ROBO3: variants seen among roughly 807,000 people sequenced by gnomAD.
ROBO3 encodes the protein roundabout guidance receptor 3, also known as roundabout homolog 3.
A neutral mutation model predicts 160.5 loss-of-function variants in ROBO3; 97 were observed. That is an observed-to-expected ratio of 0.60 (90% CI 0.51 to 0.72). The LOEUF is 0.72. Among genes scored for constraint, ROBO3 ranks in the 30% least tolerant of loss-of-function variants. The pLI, the probability that ROBO3 is intolerant of heterozygous loss-of-function variation, is 0.00. For missense variants in ROBO3, 1,858 were observed against 1,846.5 expected (o/e 1.01, Z -0.11); for synonymous variants, 780 against 746.2 (o/e 1.05, Z -0.74).
Position 124,870,229 on chromosome 11 carries a change from C to G in ROBO3, c.831C>G (p.Phe277Leu). 6.2e-7 allele frequency: 1 copy of G among 1,614,046 alleles called. No homozygotes were observed. The highest frequency in any genetic ancestry group is 8.5e-7 in the Non-Finnish European group (1 of 1,179,896). ...QVVLADAPVT[F>L]LCEVKGDPPP... The stretch of plus-strand genomic sequence containing the variant: ...TCCTGGCTGATGCCCCTGTGACTTT[C>G]CTATGTGAGGTGAAGGGGGATCCCC... Residue 277 changes from phenylalanine to leucine, a missense_variant, in exon 5 of 28, where the codon TTC becomes TTG. Phe to Leu is a conservative substitution (Grantham distance 22). Coordinates refer to ENST00000397801, the MANE Select transcript of ROBO3 (RefSeq NM_022370.4).
chr11:124,867,732 G>A (rs902420459), intron 1 of ROBO3, among the ~76,000 whole-genome samples: 2 of 151,682 alleles, frequency 1.3e-5, no homozygotes, highest in African/African-American at 4.9e-5. Flanking sequence ...CAATCTCACA[G>A]GCGGGCTGGA....
Position 124,876,444 on chromosome 11 carries a change from G to A in ROBO3, c.2763G>A (p.Glu921=), listed in dbSNP as rs374437135. 10 of 1,437,590 alleles carry A rather than the reference G, an allele frequency of 7.0e-6. No individual in the cohort carries two copies. Among genetic ancestry groups the A allele is most frequent in the Middle Eastern group, 1.9e-4 (1 of 5,316 alleles). The allele number at this position is 1,437,590 out of a possible 1,614,324, so 89.1% of individuals were successfully genotyped here. A position where few individuals can be genotyped will look rare whatever the true frequency, so the allele number is the denominator to read the frequency against. Residue 921 remains glutamate (E), a synonymous_variant, in exon 17 of 28, where the codon GAG becomes GAA. Transcript: ENST00000397801. This position sits in a 1 kb window ranked among gnomAD's most constrained non-coding sequence, Gnocchi z 5.3. Reference sequence around the variant, plus strand: ...ACTGGCGCCGGAAACAGCGCAAAGAGCTCAGCCACTACACGGGTGAGCTCC... The same window carrying A: ...ACTGGCGCCGGAAACAGCGCAAAGAACTCAGCCACTACACGGGTGAGCTCC... ...ALYWRRKQRK[E]LSHYTASFAY...
Position 124,869,848 on chromosome 11 carries a change from T to A in ROBO3, c.646-100T>A. The A allele has an allele frequency of 1.4e-6, 2 of 1,466,520 alleles. No individual in the cohort carries two copies. Among genetic ancestry groups the A allele is most frequent in the Non-Finnish European group, 1.9e-6 (2 of 1,073,910 alleles). 90.8% of individuals were successfully genotyped at this position (1,466,520 alleles called of 1,614,324 possible). On this transcript the variant is annotated intron_variant, in intron 3 of 27. Coordinates refer to ENST00000397801, the MANE Select transcript of ROBO3 (RefSeq NM_022370.4). The surrounding 1 kb of genome is among the most constrained non-coding windows in gnomAD (Gnocchi z 4.2). ...CTCCTTTATCAGCTTGCTGTGAGGA[T>A]CAAATAAACTTTATACATATGTATA...
rs996410668 is a variant in ROBO3, at chr11:124,872,657, A to T, written c.1330+105A>T. On this transcript the variant is annotated intron_variant, in intron 8 of 27. Coordinates refer to ENST00000397801, the MANE Select transcript of ROBO3 (RefSeq NM_022370.4). The surrounding 1 kb of genome is among the most constrained non-coding windows in gnomAD (Gnocchi z 4.3). ...CTATATACTATGTCTGCAAGAGGAG[A>T]GATGTGTTCCTGAGGCATGACCTTG... 4 of 1,222,062 alleles carry T rather than the reference A, an allele frequency of 3.3e-6. No individual in the cohort carries two copies. 75.7% of individuals were successfully genotyped at this position (1,222,062 alleles called of 1,614,324 possible).
At position 124,876,302 on chromosome 11, in the gene ROBO3, T is replaced by A. The variant is rs199932669; in HGVS notation, c.2621T>A (p.Leu874Gln). Reference sequence around the variant, plus strand: ...TCCCCGCCGGACCTGGAGCCCGGGCTGGAGGTGGGCGCGGGGCTGGCGGTG... The same window carrying A: ...TCCCCGCCGGACCTGGAGCCCGGGCAGGAGGTGGGCGCGGGGCTGGCGGTG... ...LPSPPDLEPG[L>Q]EVGAGLAVRL... is the part of the protein sequence containing the mutation. The change falls in exon 17 of 28, where the codon CTG becomes CAG. Residue 874 changes from leucine (L) to glutamine (Q), a missense_variant. By Grantham distance (113) the Leu-to-Gln change is moderately radical (BLOSUM62 -2). Coordinates refer to ENST00000397801, the MANE Select transcript of ROBO3 (RefSeq NM_022370.4). This position sits in a 1 kb window ranked among gnomAD's most constrained non-coding sequence, Gnocchi z 5.3. 7.3e-3 allele frequency: 10,602 copies of A among 1,458,576 alleles called. 55 individuals are homozygous for A. Among genetic ancestry groups the A allele is most frequent in the Non-Finnish European group, 8.7e-3 (9,712 of 1,118,168 alleles). The allele number at this position is 1,458,576 out of a possible 1,614,324, so 90.4% of individuals were successfully genotyped here.
chr11:124,873,985 G>T lies in ROBO3; in HGVS notation c.1785-85G>T. On this transcript the variant is annotated intron_variant, in intron 11 of 27. Transcript: ENST00000397801. This position sits in a 1 kb window ranked among gnomAD's most constrained non-coding sequence, Gnocchi z 4.5. Reference sequence around the variant, plus strand: ...CCTCTTGCAAGGGGAAGACATAATGGTCGTTCATAGAGAGTGGATGAGATG... The same window carrying T: ...CCTCTTGCAAGGGGAAGACATAATGTTCGTTCATAGAGAGTGGATGAGATG... 6.3e-7 allele frequency: 1 copy of T among 1,588,564 alleles called. No homozygotes were observed. Among genetic ancestry groups the T allele is most frequent in the Non-Finnish European group, 8.6e-7 (1 of 1,160,840 alleles).
rs375024096 is a variant in ROBO3 at position 124,873,856 on chromosome 11, C to G, written c.1778C>G (p.Ala593Gly). The G allele has an allele frequency of 6.2e-7, 1 of 1,612,872 alleles. No individual in the cohort carries two copies. Residue 593 changes from alanine to glycine, a missense_variant, in exon 11 of 28, where the codon GCC becomes GGC. By Grantham distance (60) the Ala-to-Gly change is moderately conservative (BLOSUM62 0). Transcript: ENST00000397801. This position sits in a 1 kb window ranked among gnomAD's most constrained non-coding sequence, Gnocchi z 4.5. ...GAAVTSYVIEAFSPAAGNTWR... is the reference protein window; with the variant it reads ...GAAVTSYVIEGFSPAAGNTWR... ...GCAGTCACGTCTTATGTGATAGAGG[C>G]CTTCAGGTATGGAGAAAGTTTTGAA... is the stretch of plus-strand genomic sequence containing the variant.
rs149822654 is a variant in ROBO3, at chr11:124,873,441, T to C, written c.1618+50T>C. ...TTTTGATAATACCTTCCTCCAAACC[T>C]GCTTCAACAGGTAGTCGATACCTCC... is the stretch of plus-strand genomic sequence containing the variant. On this transcript the variant is annotated intron_variant, in intron 10 of 27. Coordinates refer to ENST00000397801, the MANE Select transcript of ROBO3 (RefSeq NM_022370.4). This position sits in a 1 kb window ranked among gnomAD's most constrained non-coding sequence, Gnocchi z 4.5. The C allele has an allele frequency of 3.0e-3, 4,398 of 1,480,656 alleles. 14 individuals are homozygous for C. The highest frequency in any genetic ancestry group is 3.9e-3 in the Middle Eastern group (23 of 5,854). The allele number at this position is 1,480,656 out of a possible 1,614,324, so 91.7% of individuals were successfully genotyped here. A position where few individuals can be genotyped will look rare whatever the true frequency, so the allele number is the denominator to read the frequency against.
At position 124,877,514 on chromosome 11, in the gene ROBO3, C is replaced by A; in HGVS notation, c.2847-5C>A. On this transcript the variant is annotated splice_polypyrimidine_tract_variant and splice_region_variant and intron_variant, in intron 19 of 27. Transcript: ENST00000397801. ...CGTCCCCAACGCTCACCTGCTCTCC[C>A]TCAGGCCACCCATGGGCCTTGGCCC... 2 of 1,601,272 alleles carry A rather than the reference C, an allele frequency of 1.2e-6. No individual in the cohort carries two copies. Among genetic ancestry groups the A allele is most frequent in the East Asian group, 2.3e-5 (1 of 44,048 alleles).
In ROBO3 at chr11:124,876,392, T is replaced by G; in HGVS notation, c.2711T>G (p.Leu904Arg). The change falls in exon 17 of 28, where the codon CTG becomes CGG. Residue 904 changes from leucine (L) to arginine (R), a missense_variant. Physicochemically the swap from Leu to Arg is moderately radical, Grantham distance 102. Transcript: ENST00000397801. This position sits in a 1 kb window ranked among gnomAD's most constrained non-coding sequence, Gnocchi z 5.3. ...LAGSGAACGA[L>R]LLGLCAALYW... ...GGCAGCGGCGCAGCCTGCGGGGCGC[T>G]GCTTCTCGGGCTCTGCGCCGCCCTC... The G allele has an allele frequency of 6.9e-7, 1 of 1,451,198 alleles. No homozygotes were observed. The highest frequency in any genetic ancestry group is 9.0e-7 in the Non-Finnish European group (1 of 1,108,672). The allele number at this position is 1,451,198 out of a possible 1,614,324, so 89.9% of individuals were successfully genotyped here.
In ROBO3 at chr11:124,869,873, A is replaced by G; in HGVS notation, c.646-75A>G. The G allele has an allele frequency of 4.0e-6, 6 of 1,515,872 alleles. No homozygotes were observed. In the South Asian group the frequency reaches 4.8e-5, roughly 12 times the overall value. The allele number at this position is 1,515,872 out of a possible 1,614,324, so 93.9% of individuals were successfully genotyped here. Reference sequence around the variant, plus strand: ...TCAAATAAACTTTATACATATGTATATACACATATATTCACCATATATATA... The same window carrying G: ...TCAAATAAACTTTATACATATGTATGTACACATATATTCACCATATATATA... On this transcript the variant is annotated intron_variant, in intron 3 of 27. Transcript: ENST00000397801. The surrounding 1 kb of genome is among the most constrained non-coding windows in gnomAD (Gnocchi z 4.2).
Position 124,874,884 on chromosome 11 carries a change from C to G in ROBO3, c.2048C>G (p.Pro683Arg). The G allele has an allele frequency of 6.2e-7, 1 of 1,602,930 alleles. No individual in the cohort carries two copies. The highest frequency in any genetic ancestry group is 8.5e-7 in the Non-Finnish European group (1 of 1,174,994). ...VRLQEPIVLG[P>R]RTLQVSWTVD... The stretch of plus-strand genomic sequence containing the variant: ...CTGCAGGAGCCCATAGTCCTGGGAC[C>G]CCGGACCCTGCAGGTGTCCTGGACT... Residue 683 changes from proline to arginine, a missense_variant, in exon 13 of 28, where the codon CCC (proline) becomes CGC (arginine). Coordinates refer to ENST00000397801, the MANE Select transcript of ROBO3 (RefSeq NM_022370.4).
Position 124,872,858 on chromosome 11 carries a change from A to G in ROBO3, c.1331-26A>G. ...CGCGGGGCCCTAAGCTCCTCCCCTG[A>G]GGTGCACACGTTCTTCCTCTCTCAG... is the stretch of plus-strand genomic sequence containing the variant. On this transcript the variant is annotated intron_variant, in intron 8 of 27. Transcript: ENST00000397801. The surrounding 1 kb of genome is among the most constrained non-coding windows in gnomAD (Gnocchi z 4.3). 1 of 1,554,118 alleles carries G rather than the reference A, an allele frequency of 6.4e-7. No homozygotes were observed. The highest frequency in any genetic ancestry group is 8.7e-7 in the Non-Finnish European group (1 of 1,149,348).
At chr11:124,874,348 A>C in intron 12 of ROBO3, 112 bp downstream of exon 12, 1 of 999,882 alleles carries the variant, frequency 1.0e-6, no homozygotes, top group Non-Finnish European at 1.4e-6. Context: ...CTGCTATGCC[A>C]GGTCTATACT....
rs1175003473 is a variant in ROBO3, at chr11:124,876,517, G to A, written c.2779+57G>A. 5 of 1,320,030 alleles carry A rather than the reference G, an allele frequency of 3.8e-6. No individual in the cohort carries two copies. The highest frequency in any genetic ancestry group is 3.1e-5 in the African/African-American group (2 of 64,550). The allele number at this position is 1,320,030 out of a possible 1,614,324, so 81.8% of individuals were successfully genotyped here. A position where few individuals can be genotyped will look rare whatever the true frequency, so the allele number is the denominator to read the frequency against. On this transcript the variant is annotated intron_variant, in intron 17 of 27. Coordinates refer to ENST00000397801, the MANE Select transcript of ROBO3 (RefSeq NM_022370.4). The surrounding 1 kb of genome is among the most constrained non-coding windows in gnomAD (Gnocchi z 5.3). ...GGGAGGGAGCCAGGCGGCCCATGGG[G>A]AGGGGCAGGGGCTTAGCCGCTGGCG...
At chr11:124,875,879 A>T in intron 15 of ROBO3, 75 bp from the exon 16 acceptor site, 1 of 1,520,772 alleles carries the variant, frequency 6.6e-7, no homozygotes, top group Non-Finnish European at 9.0e-7. Flanking sequence ...CTTCTCTACC[A>T]TTTGGAGCCT....
chr11:124,880,741 G>C, intron 27 of ROBO3, 133 bp downstream of exon 27: 2 of 1,320,518 alleles, frequency 1.5e-6, no homozygotes, highest in Non-Finnish European at 2.0e-6. Flanking sequence ...AGGGTGAGGG[G>C]GAGGGAGGAA....
intron 1 of ROBO3, among the ~76,000 whole-genome samples, chr11:124,867,801 G>T (rs1173331239): frequency 1.4e-5 from 2 of 142,144 alleles, no homozygotes; most frequent in African/African-American, 5.1e-5. Context: ...GGGGGAGGGG[G>T]CAGGGGGCAG....
In ROBO3 at chr11:124,880,488, G is replaced by C; in HGVS notation, c.4029G>C (p.Thr1343=). The C allele has an allele frequency of 1.2e-6, 2 of 1,604,840 alleles. No homozygotes were observed. The highest frequency in any genetic ancestry group is 8.5e-7 in the Non-Finnish European group (1 of 1,175,580). The change falls in exon 27 of 28, where the codon ACG becomes ACC. Residue 1343 remains threonine, a synonymous_variant. Coordinates refer to ENST00000397801, the MANE Select transcript of ROBO3 (RefSeq NM_022370.4). ...SRGQGTSTCS[T]AGSNSSRGSS... is the part of the protein sequence containing the mutation. ...GCCAGGGCACCAGCACATGTTCCAC[G>C]GCCGGCAGCAACTCTTCCAGGGGCT...
Sources: gnomAD v4.1 joint callset for allele counts (sites outside exome capture counted in the v4.1 genomes callset) on GRCh38, gnomAD v4.1.1 for gene constraint, Gnocchi (gnomAD v3.1) non-coding constraint, MANE v1.5 for transcripts, NCBI Gene and HGNC (gene_info 2026-07-23, HGNC 2026-07-21) for gene names.